Variants in IMMP2L observed in about 807,000 individuals in gnomAD.
IMMP2L encodes the protein inner mitochondrial membrane peptidase subunit 2.
IMMP2L carries 18 observed loss-of-function variants against 19.3 expected under a neutral mutation model. That is an observed-to-expected ratio of 0.93 (90% confidence interval 0.64 to 1.38). The LOEUF (loss-of-function observed/expected upper bound fraction) is 1.38. Ranked by LOEUF, IMMP2L falls within the 40% of genes most tolerant of loss-of-function variation. IMMP2L has a pLI of 0.00. For missense variants in IMMP2L, 233 were observed against 218.2 expected, an observed-to-expected ratio of 1.07 and a Z score of -0.43; for synonymous variants, 76 against 73.0, an observed-to-expected ratio of 1.04 and a Z score of -0.21.
chr7:110,774,733 G>A (rs1799261496), intron 5 of IMMP2L, among the ~76,000 whole-genome samples: 1 of 151,942 alleles, frequency 6.6e-6, no homozygotes, highest in African/African-American at 2.4e-5. Flanking sequence ...AGAGCAACAG[G>A]CTATACTGTA....
chr7:111,527,535 C>A (rs1185977761), intron 1 of IMMP2L, among the ~76,000 whole-genome samples: 1 of 151,602 alleles, frequency 6.6e-6, no homozygotes, highest in Non-Finnish European at 1.5e-5. Flanking sequence ...GATACTAAAA[C>A]AAACACTGAG....
At chr7:111,227,410 A>T (rs532920893) in intron 3 of IMMP2L, among the ~76,000 whole-genome samples, 1 of 152,288 alleles carries the variant, frequency 6.6e-6, no homozygotes, top group Non-Finnish European at 1.5e-5. Flanking sequence ...AGAATATATT[A>T]TAGGATATCT....
chr7:111,528,915 G>A (rs1345027088), intron 1 of IMMP2L, among the ~76,000 whole-genome samples: 1 of 152,036 alleles, frequency 6.6e-6, no homozygotes, highest in African/African-American at 2.4e-5. Flanking sequence ...ACAAGAGTAG[G>A]GATCCAAGCA....
At chr7:110,898,218 T>C (rs1276825973) in intron 4 of IMMP2L, among the ~76,000 whole-genome samples, 2 of 151,764 alleles carry the variant, frequency 1.3e-5, no homozygotes, top group African/African-American at 4.8e-5. Flanking sequence ...GCAGTGAAAT[T>C]AGCAGAAATT....
intron 3 of IMMP2L, among the ~76,000 whole-genome samples, chr7:111,358,985 C>G (rs1213209204): frequency 6.6e-6 from 1 of 152,046 alleles, no homozygotes; most frequent in Non-Finnish European, 1.5e-5. Context: ...TTCATGCACG[C>G]TAAGTTAGAT....
intron 3 of IMMP2L, among the ~76,000 whole-genome samples, chr7:111,073,789 T>A: frequency 6.6e-6 from 1 of 152,250 alleles, no homozygotes. Context: ...GTAGCAGAAC[T>A]CTGCCACTCA....
At chr7:110,766,419 C>T (rs889484537) in intron 5 of IMMP2L, among the ~76,000 whole-genome samples, 4 of 151,770 alleles carry the variant, frequency 2.6e-5, no homozygotes, top group Non-Finnish European at 5.9e-5. Flanking sequence ...GGCGAAGTCC[C>T]GTCTCTACTA....
intron 3 of IMMP2L, among the ~76,000 whole-genome samples, chr7:111,404,663 T>G (rs1009689226): frequency 6.6e-6 from 1 of 152,132 alleles, no homozygotes; most frequent in African/African-American, 2.4e-5. Context: ...AGGAATCACT[T>G]CATTCTTAAG....
intron 2 of IMMP2L, among the ~76,000 whole-genome samples, chr7:111,514,990 T>C (rs1845760313): frequency 6.6e-6 from 1 of 152,162 alleles, no homozygotes; most frequent in African/African-American, 2.4e-5. Context: ...CATTCTCCTC[T>C]CTTTCTTTCA....
chr7:111,470,632 C>G (rs999766050), intron 3 of IMMP2L, among the ~76,000 whole-genome samples: 2 of 148,536 alleles, frequency 1.3e-5, no homozygotes, highest in African/African-American at 5.0e-5. Context: ...GACAAAAAAA[C>G]CAAACACCGC....
At chr7:111,153,723 A>C (rs1804326071) in intron 3 of IMMP2L, among the ~76,000 whole-genome samples, 1 of 152,066 alleles carries the variant, frequency 6.6e-6, no homozygotes. Flanking sequence ...AGAACTATAT[A>C]TTTTCTTTAT....
At chr7:111,317,460 C>A (rs1824231648) in intron 3 of IMMP2L, among the ~76,000 whole-genome samples, 1 of 152,022 alleles carries the variant, frequency 6.6e-6, no homozygotes, top group African/African-American at 2.4e-5. Flanking sequence ...CTACCTGACT[C>A]TCTGGAAATT....
rs193220180 is a variant in IMMP2L at position 110,976,972 on chromosome 7, A to C, written c.240-13407T>G. Reference sequence around the variant, plus strand: ...ATATAAACCTGGAATTGAATCTACAACTAGTATGAAGCATCATAACTCTAA... The same window carrying C: ...ATATAAACCTGGAATTGAATCTACACCTAGTATGAAGCATCATAACTCTAA... On this transcript the variant is annotated intron_variant, in intron 3 of 5. Coordinates refer to ENST00000405709, the MANE Select transcript of IMMP2L (RefSeq NM_032549.4). Among the ~76,000 whole-genome samples the C allele has an allele frequency of 5.3e-4, 80 of 152,126 alleles. 1 individual carries two copies. The highest frequency in any genetic ancestry group is 1.7e-3 in the African/African-American group (70 of 41,546).
chr7:111,149,757 A>G (rs1036913752), intron 3 of IMMP2L, among the ~76,000 whole-genome samples: 6 of 152,196 alleles, frequency 3.9e-5, no homozygotes, highest in Non-Finnish European at 7.3e-5. Context: ...TGATTTATAT[A>G]ACCTACATAA....
chr7:111,224,904 A>G (rs1347671460), intron 3 of IMMP2L, among the ~76,000 whole-genome samples: 1 of 152,136 alleles, frequency 6.6e-6, no homozygotes, highest in African/African-American at 2.4e-5. Context: ...TCTTCGATGA[A>G]GGAGTAAAAA....
chr7:111,128,729 G>T (rs1040947746), intron 3 of IMMP2L, among the ~76,000 whole-genome samples: 1 of 152,162 alleles, frequency 6.6e-6, no homozygotes, highest in Non-Finnish European at 1.5e-5. Flanking sequence ...GGGGCCTGAG[G>T]CAGGAGAATC....
intron 1 of IMMP2L, among the ~76,000 whole-genome samples, chr7:111,556,788 TG>T (rs1287700136): frequency 6.6e-6 from 1 of 152,166 alleles, no homozygotes. Context: ...TCCGTATCTA[TG>T]GATACTTCAG....
At chr7:110,791,344 C>T (rs1264762775) in intron 5 of IMMP2L, among the ~76,000 whole-genome samples, 1 of 151,628 alleles carries the variant, frequency 6.6e-6, no homozygotes, top group African/African-American at 2.4e-5. Flanking sequence ...ACTATCTCTA[C>T]TCTTCCATAA....
intron 3 of IMMP2L, among the ~76,000 whole-genome samples, chr7:111,471,716 A>T (rs752911302): frequency 6.6e-6 from 1 of 152,108 alleles, no homozygotes; most frequent in Admixed American, 6.6e-5. Context: ...GGCTCACGTT[A>T]TATTTCTTTT....
Sources: gnomAD v4.1 joint callset for allele counts (sites outside exome capture counted in the v4.1 genomes callset) on GRCh38, gnomAD v4.1.1 for gene constraint, MANE v1.5 for transcripts, NCBI Gene and HGNC (gene_info 2026-07-23, HGNC 2026-07-21) for gene names.